The following NFKB1 variants were observed in gnomAD, a reference collection of about 807,000 sequenced individuals.
NFKB1 encodes nuclear factor kappa B subunit 1.
Under a neutral mutation model 105.1 loss-of-function variants are expected in NFKB1, and 9 were observed. The ratio of observed to expected loss-of-function variants is 0.09; its 90% CI spans 0.05 to 0.15. The LOEUF is 0.15. NFKB1 is among the 10% of genes least tolerant of loss of function. The pLI is 1.00. For missense variants in NFKB1, 830 were observed against 1,203.7 expected (o/e 0.69, Z 4.59); for synonymous variants, 440 against 442.2 (o/e 1.00, Z 0.06).
chr4:102,551,862 C>T (rs1264827272), intron 5 of NFKB1, among the ~76,000 whole-genome samples: 1 of 152,130 alleles, frequency 6.6e-6, no homozygotes, highest in Non-Finnish European at 1.5e-5. Context: ...ACAATGGACC[C>T]AATTCTTCAG....
rs115338203 is a variant in NFKB1, at chr4:102,601,903, T to C, written c.1752+894T>C. Among the ~76,000 whole-genome samples, 179 of 152,350 alleles carry C rather than the reference T, an allele frequency of 1.2e-3. 1 individual carries two copies. Among genetic ancestry groups the C allele is most frequent in the African/African-American group, 4.1e-3 (171 of 41,594 alleles). ...TTCCCCTACTCCCACCAGTCTGCTG[T>C]ATGGGGCTCCTGCCCTTGCCCACTT... On this transcript the variant is annotated intron_variant, in intron 16 of 23. Coordinates refer to ENST00000226574, the MANE Select transcript of NFKB1 (RefSeq NM_003998.4).
chr4:102,533,925 G>A lies in NFKB1; in HGVS notation c.159+40G>A, dbSNP rs1017624677. On this transcript the variant is annotated intron_variant, in intron 4 of 23. Transcript: ENST00000226574. ...GTGGGACTTTAAATGTTAGATTCCA[G>A]TGTCTAATATTGAGATCATAAGCAC... The A allele has an allele frequency of 1.1e-5, 17 of 1,541,114 alleles. No individual in the cohort carries two copies. The African/African-American group carries it at 1.6e-4, about 15-fold the overall frequency.
chr4:102,524,923 C>T (rs984424017), intron 1 of NFKB1, among the ~76,000 whole-genome samples: 2 of 152,182 alleles, frequency 1.3e-5, no homozygotes, highest in African/African-American at 4.8e-5. Context: ...GCTGGCTTGC[C>T]TACTGCTCAC....
intron 1 of NFKB1, among the ~76,000 whole-genome samples, chr4:102,515,722 A>G (rs1740134635): frequency 6.6e-6 from 1 of 152,108 alleles, no homozygotes; most frequent in Admixed American, 6.5e-5. Flanking sequence ...TTACTTCTTT[A>G]TATGTTATAA....
At chr4:102,601,904 A>G (rs1227218169) in intron 16 of NFKB1, among the ~76,000 whole-genome samples, 2 of 152,122 alleles carry the variant, frequency 1.3e-5, no homozygotes, top group East Asian at 1.9e-4. Context: ...AGTCTGCTGT[A>G]TGGGGCTCCT....
chr4:102,529,672 G>C (rs1741152595), intron 2 of NFKB1, among the ~76,000 whole-genome samples, 164 bp from the exon 3 acceptor site: 1 of 152,020 alleles, frequency 6.6e-6, no homozygotes, highest in Non-Finnish European at 1.5e-5. Flanking sequence ...GAACTACCTA[G>C]GTCTCATGAA....
At chr4:102,504,660 G>GT (rs1327970524) in intron 1 of NFKB1, among the ~76,000 whole-genome samples, 1 of 152,146 alleles carries the variant, frequency 6.6e-6, no homozygotes, top group Admixed American at 6.5e-5. Context: ...TTGGGAATTA[G>GT]TTCTCATTTG....
At chr4:102,613,727 C>CCTCTGCCT (rs1164367367) in intron 23 of NFKB1, 146 bp downstream of exon 23, 1 of 951,002 alleles carries the variant, frequency 1.1e-6, no homozygotes, top group Non-Finnish European at 1.5e-6. Flanking sequence ...CTGGGCTCAC[C>CCTCTGCCT]CTCTGCCTCT....
chr4:102,596,870 A>G (rs1726659900), intron 14 of NFKB1, among the ~76,000 whole-genome samples: 1 of 151,902 alleles, frequency 6.6e-6, no homozygotes, highest in South Asian at 2.1e-4. Context: ...TATAAAAGCA[A>G]AGGTAGTAAA....
In NFKB1 at chr4:102,551,365, T is replaced by C. The variant is rs368492793; in HGVS notation, c.258+13409T>C. Reference sequence around the variant, plus strand: ...CTAAATTGGTGTGTGTGTGTGTGTGTGTGCGCGCGCGCATGTGTGTGTGTG... The same window carrying C: ...CTAAATTGGTGTGTGTGTGTGTGTGCGTGCGCGCGCGCATGTGTGTGTGTG... On this transcript the variant is annotated intron_variant, in intron 5 of 23. Coordinates refer to ENST00000226574, the MANE Select transcript of NFKB1 (RefSeq NM_003998.4). Among the ~76,000 whole-genome samples the C allele has an allele frequency of 4.7e-3, 606 of 127,580 alleles. 5 individuals are homozygous for C. The highest frequency in any genetic ancestry group is 7.4e-3 in the Admixed American group (102 of 13,866). The allele number at this position is 127,580 out of a possible 152,430, so 83.7% of individuals were successfully genotyped here.
intron 19 of NFKB1, 98 bp downstream of exon 19, chr4:102,607,849 C>T (rs1727960175): frequency 1.0e-6 from 1 of 1,002,144 alleles, no homozygotes; most frequent in Non-Finnish European, 1.6e-6. Flanking sequence ...AAGCCACAGA[C>T]CTACTGCTGA....
intron 5 of NFKB1, 57 bp from the exon 6 acceptor site, chr4:102,566,930 T>C: frequency 6.4e-7 from 1 of 1,571,064 alleles, no homozygotes; most frequent in Non-Finnish European, 8.8e-7. Flanking sequence ...CATAAACATG[T>C]TTCCATGTTG....
chr4:102,538,722 CAT>C (rs1741799883), intron 5 of NFKB1, among the ~76,000 whole-genome samples: 4 of 152,274 alleles, frequency 2.6e-5, no homozygotes, highest in South Asian at 2.1e-4. Context: ...TGATGATAAA[CAT>C]AGACTGGTAA....
chr4:102,608,658 C>T lies in NFKB1; in HGVS notation c.2227+907C>T, dbSNP rs1578830775. On this transcript the variant is annotated intron_variant, in intron 19 of 23. Coordinates refer to ENST00000226574, the MANE Select transcript of NFKB1 (RefSeq NM_003998.4). ...TGACATATCTGATATACTTTAGAGG[C>T]TTTTTTTTTTTTTAACTTAAAAGGT... Among the ~76,000 whole-genome samples, 2 of 147,146 alleles carry T rather than the reference C, an allele frequency of 1.4e-5. 1 individual carries two copies. Among genetic ancestry groups the T allele is most frequent in the South Asian group, 4.3e-4 (2 of 4,658 alleles).
intron 5 of NFKB1, among the ~76,000 whole-genome samples, chr4:102,542,205 G>A (rs146147170): frequency 9.2e-5 from 14 of 152,182 alleles, no homozygotes; most frequent in South Asian, 6.2e-4. Context: ...ACCCTGTTTC[G>A]CATAGGTGTA....
intron 10 of NFKB1, among the ~76,000 whole-genome samples, chr4:102,584,445 C>A (rs1368379468): frequency 2.0e-5 from 3 of 152,152 alleles, no homozygotes; most frequent in Admixed American, 6.5e-5. Flanking sequence ...AATAATAAAG[C>A]TTCGTAGTAC....
In NFKB1 at chr4:102,594,905, A is replaced by G. The variant is rs748380768; in HGVS notation, c.1224A>G (p.Pro408=). 95 of 1,610,604 alleles carry G rather than the reference A, an allele frequency of 5.9e-5. 2 individuals carry two copies. Among genetic ancestry groups the G allele is most frequent in the Admixed American group, 2.7e-4 (16 of 59,852 alleles). ...TTGCCGTTTCAGGGTATAGCTTCCC[A>G]CACTATGGATTTCCTACTTATGGTG... ...TGSTGPGYSF[P]HYGFPTYGGI... is the part of the protein sequence containing the mutation. Residue 408 remains proline, a synonymous_variant, in exon 13 of 24, where the codon CCA becomes CCG. Transcript: ENST00000226574.
intron 4 of NFKB1, among the ~76,000 whole-genome samples, chr4:102,536,606 G>C (rs138747009): frequency 2.0e-5 from 3 of 152,262 alleles, no homozygotes; most frequent in African/African-American, 7.2e-5. Context: ...AGTCTAAGTA[G>C]TGCATACGTT....
chr4:102,533,432 T>C (rs1741431535), intron 3 of NFKB1, among the ~76,000 whole-genome samples: 1 of 152,230 alleles, frequency 6.6e-6, no homozygotes, highest in South Asian at 2.1e-4. Flanking sequence ...AAAGTCAGTG[T>C]CTAATGATGT....
Sources: allele counts gnomAD v4.1 joint callset (sites outside exome capture counted in the v4.1 genomes callset), GRCh38; gene constraint gnomAD v4.1.1; transcripts MANE v1.5; gene names NCBI Gene and HGNC (gene_info 2026-07-23, HGNC 2026-07-21).